PTCHD4: variants seen among roughly 807,000 people sequenced by gnomAD.
PTCHD4 encodes the protein patched domain containing 4, also known as patched domain-containing protein 4.
PTCHD4 carries 33 observed loss-of-function variants against 58.1 expected under a neutral mutation model. That is an observed-to-expected ratio of 0.57 (90% CI 0.43 to 0.76). The LOEUF (loss-of-function observed/expected upper bound fraction) is 0.76. Ranked by LOEUF, PTCHD4 falls within the 30% of genes least tolerant of loss-of-function variation. The pLI is 0.00. For synonymous variants in PTCHD4, 478 were observed against 409.6 expected, an observed-to-expected ratio of 1.17 and a Z score of -2.02; for missense variants, 1,058 against 1,027.1, an observed-to-expected ratio of 1.03 and a Z score of -0.41.
chr6:47,867,105 A>G lies in PTCHD4; in HGVS notation c.*11198T>C, dbSNP rs1763587778. Among the ~76,000 whole-genome samples the G allele has an allele frequency of 6.6e-6, 1 of 151,794 alleles. No homozygotes were observed. The stretch of plus-strand genomic sequence containing the variant: ...AATCAGGGACAATAATACCTATTCT[A>G]TTAGGCAGGTATTATTTGAATTGTT... On this transcript the variant is annotated 3_prime_UTR_variant, in exon 5 of 5. Coordinates refer to ENST00000339488, the MANE Select transcript of PTCHD4 (RefSeq NM_001384253.1).
chr6:47,885,826 T>A (rs575660057), intron 4 of PTCHD4, among the ~76,000 whole-genome samples: 4 of 152,310 alleles, frequency 2.6e-5, no homozygotes, highest in African/African-American at 9.6e-5. Flanking sequence ...TTTTTCTTTT[T>A]TCTTTTTTTT....
In PTCHD4 at chr6:47,972,816, C is replaced by G. The variant is rs536156767; in HGVS notation, c.898+35818G>C. Among the ~76,000 whole-genome samples, 11 of 151,812 alleles carry G rather than the reference C, an allele frequency of 7.2e-5. No homozygotes were observed. In the South Asian group the frequency reaches 1.9e-3, roughly 26 times the overall value. On this transcript the variant is annotated intron_variant, in intron 4 of 4. Transcript: ENST00000339488. ...ACTTGGAATTATTTTTTACACTTGT[C>G]TTTTTACTTTTTGTATTGATTAGAA...
In PTCHD4 at chr6:47,904,269, C is replaced by T. The variant is rs557701555; in HGVS notation, c.899-24333G>A. On this transcript the variant is annotated intron_variant, in intron 4 of 4. Transcript: ENST00000339488. ...AGGGTCAGTGCCAGTTAGGATAACC[C>T]AGGCATTACAGATGTGTTATCTAAA... Among the ~76,000 whole-genome samples the T allele has an allele frequency of 1.3e-3, 203 of 152,252 alleles. 1 individual carries two copies. Among genetic ancestry groups the T allele is most frequent in the Non-Finnish European group, 2.0e-3 (133 of 68,004 alleles).
At chr6:47,977,787 G>T (rs1581963613) in intron 4 of PTCHD4, among the ~76,000 whole-genome samples, 1 of 152,098 alleles carries the variant, frequency 6.6e-6, no homozygotes, top group East Asian at 1.9e-4. Flanking sequence ...ATATCTTGAA[G>T]TTTTTCCATA....
intron 4 of PTCHD4, among the ~76,000 whole-genome samples, chr6:47,993,711 C>A (rs1486529942): frequency 6.6e-6 from 1 of 152,048 alleles, no homozygotes; most frequent in Non-Finnish European, 1.5e-5. Context: ...TGAATTAAAA[C>A]AAGTGGATGG....
chr6:47,891,269 G>A (rs1280371726), intron 4 of PTCHD4, among the ~76,000 whole-genome samples: 1 of 149,344 alleles, frequency 6.7e-6, no homozygotes, highest in Non-Finnish European at 1.5e-5. Context: ...TGCAGCCTCT[G>A]AGGGCTGGGT....
Position 47,947,232 on chromosome 6 carries a change from A to G in PTCHD4, c.898+61402T>C, listed in dbSNP as rs529014339. Among the ~76,000 whole-genome samples, 16 of 152,230 alleles carry G rather than the reference A, an allele frequency of 1.1e-4. No homozygotes were observed. In the East Asian group the frequency reaches 3.1e-3, roughly 29 times the overall value. ...ATCAATATTTTCACCTTTCCCCCAA[A>G]CAAGTAAAGAAAATTTTATATTGAT... On this transcript the variant is annotated intron_variant, in intron 4 of 4. Coordinates refer to ENST00000339488, the MANE Select transcript of PTCHD4 (RefSeq NM_001384253.1).
At chr6:47,950,694 A>G (rs993940737) in intron 4 of PTCHD4, among the ~76,000 whole-genome samples, 12 of 152,168 alleles carry the variant, frequency 7.9e-5, no homozygotes, top group African/African-American at 2.9e-4. Context: ...GAAGCAGTGG[A>G]GGTAGGTTAC....
intron 1 of PTCHD4, among the ~76,000 whole-genome samples, chr6:48,109,078 G>A (rs183044743): frequency 6.6e-6 from 1 of 152,062 alleles, no homozygotes; most frequent in African/African-American, 2.4e-5. Flanking sequence ...GGAAAATGAA[G>A]TAAAATACCT....
chr6:47,946,302 C>T (rs1766416168), intron 4 of PTCHD4, among the ~76,000 whole-genome samples: 1 of 152,090 alleles, frequency 6.6e-6, no homozygotes, highest in African/African-American at 2.4e-5. Flanking sequence ...AAATCTTTCA[C>T]TACAATAGTA....
intron 1 of PTCHD4, among the ~76,000 whole-genome samples, chr6:48,094,057 C>T (rs1239320211): frequency 6.6e-6 from 1 of 152,060 alleles, no homozygotes; most frequent in Non-Finnish European, 1.5e-5. Flanking sequence ...AGAAAAGAGG[C>T]ATAGATTTAA....
At chr6:47,951,124 G>T (rs937232125) in intron 4 of PTCHD4, among the ~76,000 whole-genome samples, 6 of 152,158 alleles carry the variant, frequency 3.9e-5, no homozygotes, top group African/African-American at 1.4e-4. Flanking sequence ...TTTTAAATAG[G>T]AGATATTGTG....
chr6:48,065,842 T>G (rs1446667491), intron 3 of PTCHD4, among the ~76,000 whole-genome samples: 1 of 152,214 alleles, frequency 6.6e-6, no homozygotes, highest in Non-Finnish European at 1.5e-5. Flanking sequence ...ACTAGAATAT[T>G]GTGGAATAAG....
Position 48,008,813 on chromosome 6 carries a change from A to T in PTCHD4, c.719T>A (p.Leu240Gln). ...ARSKVLVSLV[L>Q]ILTTATLSSS... ...GGAGAGGGTGGCTGTGGTCAGGATC[A>T]GCACGAGGCTCACCAGGACCTTGCT... Residue 240 changes from leucine (L) to glutamine (Q), a missense_variant, in exon 4 of 5, where the codon CTG becomes CAG. Transcript: ENST00000339488. The T allele has an allele frequency of 3.1e-6, 5 of 1,614,018 alleles. No individual in the cohort carries two copies. The highest frequency in any genetic ancestry group is 4.2e-6 in the Non-Finnish European group (5 of 1,179,896).
intron 4 of PTCHD4, among the ~76,000 whole-genome samples, chr6:47,905,186 T>A (rs187798315): frequency 6.6e-6 from 1 of 152,100 alleles, no homozygotes; most frequent in South Asian, 2.1e-4. Context: ...GTAGATCATA[T>A]GAAATTGTTT....
At position 47,879,517 on chromosome 6, in the gene PTCHD4, G is replaced by T. The variant is rs1209038000; in HGVS notation, c.1318C>A (p.His440Asn). Residue 440 changes from histidine to asparagine, a missense_variant, in exon 5 of 5, where the codon CAC (histidine) becomes AAC (asparagine). His to Asn is a moderately conservative substitution (Grantham distance 68). Coordinates refer to ENST00000339488, the MANE Select transcript of PTCHD4 (RefSeq NM_001384253.1). ...CGGAGGAAGTGCTGAATGAAGTGGT[G>T]CTGGTAGGGGTTCGTCTCATGATGG... ...TSHHETNPYQ[H>N]HFIQHFLREH... 1.2e-6 allele frequency: 2 copies of T among 1,613,672 alleles called. No individual in the cohort carries two copies. Among genetic ancestry groups the T allele is most frequent in the African/African-American group, 1.3e-5 (1 of 74,886 alleles).
intron 3 of PTCHD4, among the ~76,000 whole-genome samples, chr6:48,060,245 A>G (rs1411125520): frequency 6.6e-6 from 1 of 152,194 alleles, no homozygotes; most frequent in East Asian, 1.9e-4. Context: ...TGCACTGACA[A>G]TCAGAACTGA....
rs532903917 is a variant in PTCHD4 at position 48,103,136 on chromosome 6, A to G, written c.-970+7913T>C. On this transcript the variant is annotated intron_variant, in intron 1 of 4. Coordinates refer to ENST00000339488, the MANE Select transcript of PTCHD4 (RefSeq NM_001384253.1). ...CTCCCAGCATGCAGCTTGAGATCTGAGAATGAGCAGAGTGCCTCCTCAAGT... is the reference window on the plus strand; with the variant it reads ...CTCCCAGCATGCAGCTTGAGATCTGGGAATGAGCAGAGTGCCTCCTCAAGT... Among the ~76,000 whole-genome samples, 20 of 152,338 alleles carry G rather than the reference A, an allele frequency of 1.3e-4. No individual in the cohort carries two copies. The East Asian group carries it at 3.5e-3, about 27-fold the overall frequency.
At chr6:48,000,206 C>A (rs190824329) in intron 4 of PTCHD4, among the ~76,000 whole-genome samples, 1 of 152,116 alleles carries the variant, frequency 6.6e-6, no homozygotes, top group Non-Finnish European at 1.5e-5. Flanking sequence ...AACTGAGAGA[C>A]AAACAAGAAA....
Sources: gnomAD v4.1 joint callset for allele counts (sites outside exome capture counted in the v4.1 genomes callset) on GRCh38, gnomAD v4.1.1 for gene constraint, MANE v1.5 for transcripts, NCBI Gene and HGNC (gene_info 2026-07-23, HGNC 2026-07-21) for gene names.